Variants in GPC5 observed in about 807,000 individuals in gnomAD.
The protein encoded by GPC5 is glypican-5.
GPC5 carries 47 observed loss-of-function variants against 53.9 expected under a neutral mutation model. That is an observed-to-expected ratio of 0.87 (90% CI 0.69 to 1.11). The LOEUF (loss-of-function observed/expected upper bound fraction) is 1.11, where lower values mean the gene tolerates loss of function less well. GPC5 is among the 50% of genes most tolerant of loss of function. The pLI, the probability that GPC5 is intolerant of heterozygous loss-of-function variation, is 0.00. For missense variants in GPC5, 748 were observed against 713.1 expected (o/e 1.05, Z -0.56); for synonymous variants, 286 against 263.3 (o/e 1.09, Z -0.84).
At chr13:92,181,621 A>AT (rs1007623267) in intron 7 of GPC5, among the ~76,000 whole-genome samples, 6 of 152,192 alleles carry the variant, frequency 3.9e-5, no homozygotes, top group Non-Finnish European at 5.9e-5. Context: ...AAGTTAGAAG[A>AT]TTTTTTAAAG....
chr13:92,107,079 G>A (rs1216676208), intron 6 of GPC5, among the ~76,000 whole-genome samples: 1 of 152,042 alleles, frequency 6.6e-6, no homozygotes, highest in East Asian at 1.9e-4. Flanking sequence ...GATTAGGATA[G>A]AACACAATTT....
At chr13:91,854,035 AT>A (rs998322512) in intron 5 of GPC5, among the ~76,000 whole-genome samples, 1 of 151,580 alleles carries the variant, frequency 6.6e-6, no homozygotes, top group Non-Finnish European at 1.5e-5. Context: ...TAGAAGGTTT[AT>A]TTATGCACTT....
At chr13:91,487,254 G>C (rs902367985) in intron 2 of GPC5, among the ~76,000 whole-genome samples, 1 of 152,186 alleles carries the variant, frequency 6.6e-6, no homozygotes, top group Non-Finnish European at 1.5e-5. Flanking sequence ...TTCACGGGGA[G>C]TGGGGATATG....
chr13:92,137,484 C>A (rs997361059), intron 6 of GPC5, among the ~76,000 whole-genome samples: 6 of 152,198 alleles, frequency 3.9e-5, no homozygotes, highest in African/African-American at 1.4e-4. Context: ...AGTGTCAGCT[C>A]CTACTGGTTA....
chr13:91,612,032 G>A (rs982519002), intron 2 of GPC5, among the ~76,000 whole-genome samples: 3 of 152,168 alleles, frequency 2.0e-5, no homozygotes, highest in Admixed American at 6.5e-5. Context: ...TGCATTGACA[G>A]GAGAAGCCTA....
chr13:92,419,738 T>C (rs556608341), intron 7 of GPC5, among the ~76,000 whole-genome samples: 5 of 152,306 alleles, frequency 3.3e-5, no homozygotes, highest in Admixed American at 6.5e-5. Flanking sequence ...TTTACACCAA[T>C]AACTCAAAGG....
At chr13:92,500,218 C>A (rs1880131709) in intron 7 of GPC5, among the ~76,000 whole-genome samples, 1 of 152,086 alleles carries the variant, frequency 6.6e-6, no homozygotes, top group Non-Finnish European at 1.5e-5. Context: ...CCTGACCCAA[C>A]AACAGATGAA....
At chr13:92,184,083 A>G (rs2042166050) in intron 7 of GPC5, among the ~76,000 whole-genome samples, 2 of 151,912 alleles carry the variant, frequency 1.3e-5, no homozygotes, top group Non-Finnish European at 2.9e-5. Context: ...CCTGCCCTTT[A>G]TTTTATGTGC....
At chr13:92,713,218 A>G (rs1371943276) in intron 7 of GPC5, among the ~76,000 whole-genome samples, 2 of 152,100 alleles carry the variant, frequency 1.3e-5, no homozygotes, top group African/African-American at 2.4e-5. Flanking sequence ...CTCGAAAGAA[A>G]AATCCAGTGA....
At chr13:91,516,381 A>T (rs1424590637) in intron 2 of GPC5, among the ~76,000 whole-genome samples, 1 of 152,168 alleles carries the variant, frequency 6.6e-6, no homozygotes, top group Non-Finnish European at 1.5e-5. Context: ...GGGCCCATGC[A>T]AGTCCAAAAT....
chr13:91,914,130 T>C (rs1221568589), intron 6 of GPC5, among the ~76,000 whole-genome samples: 8 of 152,206 alleles, frequency 5.3e-5, no homozygotes, highest in Non-Finnish European at 1.5e-5. Context: ...AATTTATCTT[T>C]AAACACTAAA....
intron 6 of GPC5, among the ~76,000 whole-genome samples, chr13:92,049,360 C>T (rs2041008901): frequency 6.6e-6 from 1 of 152,024 alleles, no homozygotes; most frequent in South Asian, 2.1e-4. Context: ...CCTTGAATCC[C>T]CAAAGTCAGG....
intron 7 of GPC5, among the ~76,000 whole-genome samples, chr13:92,417,349 A>T (rs9523669): frequency 1.3e-5 from 2 of 151,996 alleles, no homozygotes; most frequent in East Asian, 3.9e-4. Context: ...AAAAGATAAT[A>T]AAGTGTGGGA....
intron 2 of GPC5, among the ~76,000 whole-genome samples, chr13:91,502,169 C>T (rs1264655485): frequency 6.6e-6 from 1 of 151,932 alleles, no homozygotes; most frequent in African/African-American, 2.4e-5. Context: ...GAGTAGATTG[C>T]AAAAATTTTC....
At chr13:92,599,868 G>T (rs1214080664) in intron 7 of GPC5, among the ~76,000 whole-genome samples, 1 of 152,002 alleles carries the variant, frequency 6.6e-6, no homozygotes, top group Non-Finnish European at 1.5e-5. Flanking sequence ...TGCCCTTTTA[G>T]CCTTATTTAA....
intron 7 of GPC5, among the ~76,000 whole-genome samples, chr13:92,691,955 T>C (rs900201951): frequency 3.3e-5 from 5 of 152,134 alleles, no homozygotes; most frequent in Admixed American, 1.3e-4. Context: ...AGGTTTGGAG[T>C]ACAAATATTT....
Position 92,250,087 on chromosome 13 carries a change from G to C in GPC5, c.1561+105098G>C, listed in dbSNP as rs185515605. Among the ~76,000 whole-genome samples, 518 of 151,982 alleles carry C rather than the reference G, an allele frequency of 3.4e-3. 6 individuals are homozygous for C. The highest frequency in any genetic ancestry group is 0.012 in the African/African-American group (501 of 41,458). On this transcript the variant is annotated intron_variant, in intron 7 of 7. Coordinates refer to ENST00000377067, the MANE Select transcript of GPC5 (RefSeq NM_004466.6). ...TCTATTTTTGTTTGTCTCACAACTA[G>C]TAATCAGATTATGAATTGTGGTACA...
chr13:92,494,100 G>GTTTT lies in GPC5; in HGVS notation c.1561+349115_1561+349118dup, dbSNP rs56882247. 6.9e-3 allele frequency among the ~76,000 whole-genome samples: 776 copies of GTTTT among 112,750 alleles called. 9 individuals carry two copies. Among genetic ancestry groups the GTTTT allele is most frequent in the African/African-American group, 0.022 (731 of 33,386 alleles). The allele number at this position is 112,750 out of a possible 152,430, so 74.0% of individuals were successfully genotyped here. On this transcript the variant is annotated intron_variant, in intron 7 of 7. Coordinates refer to ENST00000377067, the MANE Select transcript of GPC5 (RefSeq NM_004466.6). ...TGTTTGTTTTGTTTTGTTTTGTTTTGTTTTTTTGAGACGGAGTCTCGCTCT... is the reference window on the plus strand; with the variant it reads ...TGTTTGTTTTGTTTTGTTTTGTTTTGTTTTTTTTTTTGAGACGGAGTCTCGCTCT...
At chr13:92,433,311 G>A (rs1198690773) in intron 7 of GPC5, among the ~76,000 whole-genome samples, 2 of 152,120 alleles carry the variant, frequency 1.3e-5, no homozygotes, top group Admixed American at 1.3e-4. Context: ...GATGAGTTTG[G>A]TAGACAAAAG....
Sources: allele counts gnomAD v4.1 joint callset (sites outside exome capture counted in the v4.1 genomes callset), GRCh38; gene constraint gnomAD v4.1.1; transcripts MANE v1.5; gene names NCBI Gene and HGNC (gene_info 2026-07-23, HGNC 2026-07-21).